The following MCC variants were observed in gnomAD, a reference collection of about 807,000 sequenced individuals.
MCC encodes MCC regulator of Wnt signaling pathway.
Under a neutral mutation model 116.2 loss-of-function variants are expected in MCC, and 90 were observed. The ratio of observed to expected loss-of-function variants is 0.77; its 90% CI spans 0.65 to 0.92. MCC has a LOEUF of 0.92. Ranked by LOEUF, MCC falls within the 40% of genes least tolerant of loss-of-function variation. MCC has a pLI of 0.00. For missense variants in MCC, 1,516 were observed against 1,312.2 expected, an observed-to-expected ratio of 1.16 and a Z score of -2.40; for synonymous variants, 578 against 510.5, an observed-to-expected ratio of 1.13 and a Z score of -1.78.
intron 3 of MCC, among the ~76,000 whole-genome samples, chr5:113,309,933 CCTCT>C (rs1024100162): frequency 2.6e-5 from 4 of 150,984 alleles, no homozygotes; most frequent in Non-Finnish European, 4.4e-5. Context: ...TCCCTCCCTC[CCTCT>C]CTTCCTCTCT....
At position 113,418,858 on chromosome 5, in the gene MCC, T is replaced by C. The variant is rs541590299; in HGVS notation, c.171-33646A>G. 5.7e-4 allele frequency among the ~76,000 whole-genome samples: 87 copies of C among 152,270 alleles called. 1 individual carries two copies. In the Middle Eastern group the frequency reaches 0.014, roughly 24 times the overall value. ...GCAGACAAAACCAATCAAAAAGCAA[T>C]GAGTTTCCATGCTGCATCAAGCAGC... On this transcript the variant is annotated intron_variant, in intron 1 of 18. Coordinates refer to ENST00000408903, the MANE Select transcript of MCC (RefSeq NM_001085377.2).
At chr5:113,205,876 T>C (rs1392859846) in intron 3 of MCC, among the ~76,000 whole-genome samples, 3 of 152,192 alleles carry the variant, frequency 2.0e-5, no homozygotes, top group East Asian at 1.9e-4. Context: ...ACGCAGTGCA[T>C]AGACCAGCTT....
chr5:113,062,140 T>C (rs1365475682), intron 14 of MCC, among the ~76,000 whole-genome samples: 1 of 152,200 alleles, frequency 6.6e-6, no homozygotes, highest in Non-Finnish European at 1.5e-5. Flanking sequence ...GCTAAAGACC[T>C]CTGTACTTTG....
intron 3 of MCC, among the ~76,000 whole-genome samples, chr5:113,227,145 G>C (rs1228109746): frequency 6.6e-6 from 1 of 152,138 alleles, no homozygotes; most frequent in Non-Finnish European, 1.5e-5. Flanking sequence ...TTTAGCATTA[G>C]AGCATTACAA....
At chr5:113,120,626 A>G in intron 6 of MCC, among the ~76,000 whole-genome samples, 1 of 152,232 alleles carries the variant, frequency 6.6e-6, no homozygotes, top group Non-Finnish European at 1.5e-5. Flanking sequence ...GCCCTGTGAT[A>G]ATCTCTGAAG....
In MCC at chr5:113,026,377, A is replaced by C. The variant is rs889267591; in HGVS notation, c.*925T>G. 7 of 152,276 alleles carry C rather than the reference A, an allele frequency of 4.6e-5. No individual in the cohort carries two copies. The East Asian group carries it at 1.3e-3, about 29-fold the overall frequency. The allele number at this position is 152,276 out of a possible 1,614,324, so 9.4% of individuals were successfully genotyped here. ...CAGGTCCAGAGCTACAAATGCACCC[A>C]TGTGGAAGAGATTTGATTCAGCAGA... On this transcript the variant is annotated 3_prime_UTR_variant, in exon 19 of 19. Transcript: ENST00000408903.
intron 17 of MCC, among the ~76,000 whole-genome samples, chr5:113,035,093 A>T (rs1269383276): frequency 6.6e-6 from 1 of 152,076 alleles, no homozygotes; most frequent in East Asian, 1.9e-4. Flanking sequence ...GGCATCTGCG[A>T]TTTCACATGT....
chr5:113,248,668 C>T (rs780710642), intron 3 of MCC, among the ~76,000 whole-genome samples: 3 of 152,176 alleles, frequency 2.0e-5, no homozygotes, highest in Non-Finnish European at 4.4e-5. Flanking sequence ...GTTCGTCCAA[C>T]ATATTCACCA....
rs192173994 is a variant in MCC, at chr5:113,204,812, A to T, written c.628-53390T>A. Among the ~76,000 whole-genome samples the T allele has an allele frequency of 8.5e-5, 13 of 152,368 alleles. No homozygotes were observed. In the East Asian group the frequency reaches 2.3e-3, roughly 27 times the overall value. ...GCCATTTGTCAGATAGCAGACCTCA[A>T]ATTCAAGGTGGATTAGTCTGGAAAA... On this transcript the variant is annotated intron_variant, in intron 3 of 18. Transcript: ENST00000408903.
chr5:113,392,383 T>C (rs1285846349), intron 1 of MCC, among the ~76,000 whole-genome samples: 1 of 152,198 alleles, frequency 6.6e-6, no homozygotes, highest in African/African-American at 2.4e-5. Context: ...CTGGATGCCA[T>C]TTTAGTATCT....
chr5:113,026,913 C>T lies in MCC; in HGVS notation c.*389G>A, dbSNP rs1444104161. 1 of 175,750 alleles carries T rather than the reference C, an allele frequency of 5.7e-6. No homozygotes were observed. Among genetic ancestry groups the T allele is most frequent in the Non-Finnish European group, 1.2e-5 (1 of 84,028 alleles). 10.9% of individuals were successfully genotyped at this position (175,750 alleles called of 1,614,324 possible). On this transcript the variant is annotated 3_prime_UTR_variant, in exon 19 of 19. Transcript: ENST00000408903. ...GAGAAACGAGATTCTAGAAGATGAG[C>T]CCAGCATCTACCAAAAAGAGGATAC...
chr5:113,183,850 G>A (rs1761751369), intron 3 of MCC, among the ~76,000 whole-genome samples: 2 of 152,046 alleles, frequency 1.3e-5, no homozygotes, highest in Admixed American at 1.3e-4. Flanking sequence ...AGGAATAGAG[G>A]GCTGACACCC....
chr5:113,350,162 T>C (rs1282933744), intron 2 of MCC, among the ~76,000 whole-genome samples: 1 of 151,996 alleles, frequency 6.6e-6, no homozygotes, highest in Non-Finnish European at 1.5e-5. Context: ...AAAATACTAA[T>C]GACATTCCTC....
intron 11 of MCC, 27 bp from the exon 12 acceptor site, chr5:113,071,261 C>T: frequency 1.9e-6 from 3 of 1,608,174 alleles, no homozygotes; most frequent in Non-Finnish European, 2.5e-6. Flanking sequence ...ATCAGATTCA[C>T]ACTAGGGTTA....
At chr5:113,116,976 G>A (rs1757432486) in intron 6 of MCC, among the ~76,000 whole-genome samples, 1 of 152,196 alleles carries the variant, frequency 6.6e-6, no homozygotes, top group African/African-American at 2.4e-5. Flanking sequence ...AAAGGGCTTG[G>A]CCTGTTACAT....
intron 6 of MCC, among the ~76,000 whole-genome samples, chr5:113,112,721 CACAGTGCTGGGCATGTCCCAGAGACTT>C (rs775572761): frequency 1.6e-4 from 24 of 152,164 alleles, no homozygotes; most frequent in South Asian, 1.2e-3. Context: ...TCCAGAGACT[CACAGTGCTGGGCATGTCCCAGAGACTT>C]ACAGTGCTGG....
chr5:113,468,844 T>G (rs2150429786), intron 1 of MCC, among the ~76,000 whole-genome samples: 1 of 152,352 alleles, frequency 6.6e-6, no homozygotes, highest in African/African-American at 2.4e-5. Context: ...CTATTGATTA[T>G]TGCCTCAATT....
intron 1 of MCC, among the ~76,000 whole-genome samples, chr5:113,389,485 C>T (rs1561548163): frequency 6.6e-6 from 1 of 152,216 alleles, no homozygotes; most frequent in Admixed American, 6.5e-5. Context: ...GTCCTGGCAG[C>T]CTGCTCAGCC....
At chr5:113,429,424 T>A (rs1770567890) in intron 1 of MCC, among the ~76,000 whole-genome samples, 1 of 152,036 alleles carries the variant, frequency 6.6e-6, no homozygotes, top group South Asian at 2.1e-4. Context: ...CACGAAAAAA[T>A]TAATTTCTAT....
Sources: gnomAD v4.1 joint callset for allele counts (sites outside exome capture counted in the v4.1 genomes callset) on GRCh38, gnomAD v4.1.1 for gene constraint, MANE v1.5 for transcripts, NCBI Gene and HGNC (gene_info 2026-07-23, HGNC 2026-07-21) for gene names.